The following DNAH6 variants were observed in gnomAD, a reference collection of about 807,000 sequenced individuals.
DNAH6 encodes dynein axonemal heavy chain 6, also known as axonemal beta dynein heavy chain 6.
In DNAH6, 340 loss-of-function variants were observed where a neutral mutation model predicts 491.4. The observed-to-expected ratio is 0.69, with a 90% CI of 0.63 to 0.76. The LOEUF is 0.76. Ranked by LOEUF, DNAH6 falls within the 30% of genes least tolerant of loss-of-function variation. The pLI is 0.00. For missense variants in DNAH6, 4,443 were observed against 4,972.2 expected (o/e 0.89, Z 3.20); for synonymous variants, 1,603 against 1,686.1 (o/e 0.95, Z 1.21).
intron 11 of DNAH6, among the ~76,000 whole-genome samples, chr2:84,568,830 G>A (rs7601121): frequency 0.9 from 136,657 of 152,272 alleles, 61,646 homozygotes; most frequent in East Asian, 0.99. Flanking sequence ...AGATAAATGC[G>A]AATTAAAACT....
intron 2 of DNAH6, among the ~76,000 whole-genome samples, chr2:84,522,070 C>T (rs750889362): frequency 2.6e-5 from 4 of 152,010 alleles, no homozygotes; most frequent in African/African-American, 7.2e-5. Context: ...CACAGTATGG[C>T]GATTGTAATG....
chr2:84,494,060 T>TG, the DNAH6 span, among the ~76,000 whole-genome samples: 1 of 152,170 alleles, frequency 6.6e-6, no homozygotes, highest in Admixed American at 6.5e-5. Context: ...AGGCAGCAGT[T>TG]GCGTTTTGCA....
At chr2:84,518,147 C>A in intron 2 of DNAH6, 96 bp downstream of exon 2, 1 of 859,272 alleles carries the variant, frequency 1.2e-6, no homozygotes, top group Non-Finnish European at 1.8e-6. Context: ...TCTGAACTGA[C>A]AAAGAAGGAA....
upstream of DNAH6, among the ~76,000 whole-genome samples, chr2:84,512,635 T>C (rs1675381363): frequency 2.0e-5 from 3 of 152,226 alleles, no homozygotes; most frequent in Non-Finnish European, 4.4e-5. Flanking sequence ...TGTCTATTTC[T>C]CCCTTCGATT....
At chr2:84,726,385 A>G (rs1698632086) in intron 60 of DNAH6, among the ~76,000 whole-genome samples, 2 of 152,288 alleles carry the variant, frequency 1.3e-5, no homozygotes, top group East Asian at 3.9e-4. Context: ...CTCTGCTGCA[A>G]GATCCCTCCT....
At chr2:84,471,547 G>A in the DNAH6 span, among the ~76,000 whole-genome samples, 1 of 152,182 alleles carries the variant, frequency 6.6e-6, no homozygotes, top group Non-Finnish European at 1.5e-5. Flanking sequence ...CAGTCAGAAA[G>A]CATTGGTCCA....
At chr2:84,630,908 C>A (rs1454099954) in intron 29 of DNAH6, among the ~76,000 whole-genome samples, 1 of 152,066 alleles carries the variant, frequency 6.6e-6, no homozygotes, top group Non-Finnish European at 1.5e-5. Flanking sequence ...AGCTGGGTGG[C>A]ATATACCTTC....
intron 65 of DNAH6, among the ~76,000 whole-genome samples, chr2:84,784,098 G>A (rs1676953740): frequency 6.6e-6 from 1 of 152,210 alleles, no homozygotes; most frequent in Admixed American, 6.5e-5. Flanking sequence ...AATGATGCCT[G>A]TGTCTTCCTG....
chr2:84,498,751 C>T, the DNAH6 span, among the ~76,000 whole-genome samples: 1 of 152,066 alleles, frequency 6.6e-6, no homozygotes, highest in African/African-American at 2.4e-5. Flanking sequence ...CAGCCTCAGA[C>T]ATGGGGTTCA....
At chr2:84,553,365 TTTTCTTTCTTTCTTTCTTTC>T (rs869077601) in intron 10 of DNAH6, among the ~76,000 whole-genome samples, 6 of 19,778 alleles carry the variant, frequency 3.0e-4, no homozygotes, top group East Asian at 1.2e-3. Flanking sequence ...TTTTCTTTTC[TTTTCTTTCTTTCTTTCTTTC>T]TTTCTTTCTT....
the DNAH6 span, among the ~76,000 whole-genome samples, chr2:84,475,522 A>G: frequency 2.0e-3 from 311 of 152,272 alleles, 1 homozygote; most frequent in Non-Finnish European, 2.4e-3. Context: ...TGTGTGTCCA[A>G]ATTGCCCACA....
At chr2:84,574,862 T>G (rs1375499935) in intron 12 of DNAH6, among the ~76,000 whole-genome samples, 3 of 152,174 alleles carry the variant, frequency 2.0e-5, no homozygotes. Flanking sequence ...CTTCCTAGCC[T>G]CCTGCTACCA....
At chr2:84,510,035 A>G in the DNAH6 span, among the ~76,000 whole-genome samples, 1 of 152,180 alleles carries the variant, frequency 6.6e-6, no homozygotes, top group Non-Finnish European at 1.5e-5. Context: ...ACTTTGGTGA[A>G]TCTGACAATT....
At chr2:84,553,628 A>ATTTTTTTTTTTTTTTTTTTTTTTT (rs748931607) in intron 10 of DNAH6, among the ~76,000 whole-genome samples, 1 of 90,996 alleles carries the variant, frequency 1.1e-5, no homozygotes. Context: ...AGGACTGGCT[A>ATTTTTTTTTTTTTTTTTTTTTTTT]TTTTTTTTTT....
intron 4 of DNAH6, among the ~76,000 whole-genome samples, chr2:84,531,923 T>C (rs1009343264): frequency 1.3e-5 from 2 of 152,136 alleles, no homozygotes; most frequent in Non-Finnish European, 2.9e-5. Context: ...AACTTGTAGA[T>C]CTTAAGTGGA....
At chr2:84,770,261 T>C (rs796785370) in intron 64 of DNAH6, among the ~76,000 whole-genome samples, 7 of 151,852 alleles carry the variant, frequency 4.6e-5, no homozygotes, top group African/African-American at 1.4e-4. Flanking sequence ...ATTTCCAGAG[T>C]TGTGACATTA....
chr2:84,750,092 T>C (rs1673319674), intron 63 of DNAH6, among the ~76,000 whole-genome samples: 1 of 152,048 alleles, frequency 6.6e-6, no homozygotes, highest in South Asian at 2.1e-4. Context: ...TTCAGGGAAA[T>C]GTGAACACTA....
intron 17 of DNAH6, 60 bp downstream of exon 17, chr2:84,594,145 TA>T: frequency 1.1e-6 from 1 of 933,950 alleles, no homozygotes; most frequent in African/African-American, 1.7e-5. Flanking sequence ...CTTAAAATTC[TA>T]ATAATTTGAA....
rs191790507 is a variant in DNAH6 at position 84,681,058 on chromosome 2, C to T, written c.6745-299C>T. ...CATTTCCAGGTGGGTTTGTGCCCTT[C>T]GTGATGACCCCTTGGACTCACCTCA... is the stretch of plus-strand genomic sequence containing the variant. On this transcript the variant is annotated intron_variant, in intron 41 of 76. Transcript: ENST00000389394. Among the ~76,000 whole-genome samples the T allele has an allele frequency of 3.8e-3, 571 of 152,172 alleles. 1 individual carries two copies. Among genetic ancestry groups the T allele is most frequent in the African/African-American group, 0.012 (517 of 41,484 alleles).
Sources: gnomAD v4.1 joint callset for allele counts (sites outside exome capture counted in the v4.1 genomes callset) on GRCh38, gnomAD v4.1.1 for gene constraint, MANE v1.5 for transcripts, NCBI Gene and HGNC (gene_info 2026-07-23, HGNC 2026-07-21) for gene names.